THRB: variants seen among roughly 807,000 people sequenced by gnomAD.
THRB encodes the protein thyroid hormone receptor beta.
A neutral mutation model predicts 47.8 loss-of-function variants in THRB; 12 were observed. That is an observed-to-expected ratio of 0.25 (90% CI 0.16 to 0.41). THRB has a LOEUF of 0.41. Among genes scored for constraint, THRB ranks in the 10% least tolerant of loss-of-function variants. THRB has a pLI of 1.00. For missense variants in THRB, 348 were observed against 589.2 expected (o/e 0.59, Z 4.24); for synonymous variants, 218 against 212.2 (o/e 1.03, Z -0.24).
intron 4 of THRB, among the ~76,000 whole-genome samples, chr3:24,205,124 C>T (rs564236961): frequency 7.9e-5 from 12 of 152,234 alleles, no homozygotes; most frequent in Admixed American, 3.3e-4. Flanking sequence ...CAAGGCAGGC[C>T]AACATTCAGA....
chr3:24,365,735 A>C (rs2064409744), intron 1 of THRB, among the ~76,000 whole-genome samples: 2 of 152,218 alleles, frequency 1.3e-5, no homozygotes, highest in Admixed American at 6.5e-5. Flanking sequence ...TGGTACAATT[A>C]CTTTATGGAA....
chr3:24,252,661 A>G (rs571864108), intron 3 of THRB, among the ~76,000 whole-genome samples: 22 of 151,926 alleles, frequency 1.4e-4, no homozygotes, highest in African/African-American at 4.6e-4. Context: ...GCAAATGTCC[A>G]TCAACAGGAA....
intron 1 of THRB, among the ~76,000 whole-genome samples, chr3:24,424,764 T>C (rs183727404): frequency 6.6e-6 from 1 of 152,072 alleles, no homozygotes; most frequent in Non-Finnish European, 1.5e-5. Flanking sequence ...ATTGTTTTAT[T>C]TCTGATTCTT....
At chr3:24,286,765 T>C (rs2055347697) in intron 3 of THRB, among the ~76,000 whole-genome samples, 1 of 152,202 alleles carries the variant, frequency 6.6e-6, no homozygotes, top group South Asian at 2.1e-4. Flanking sequence ...CATCTCCTTC[T>C]ATGAAAACAC....
intron 3 of THRB, among the ~76,000 whole-genome samples, chr3:24,272,779 T>A (rs1182119763): frequency 6.6e-6 from 1 of 152,220 alleles, no homozygotes; most frequent in Non-Finnish European, 1.5e-5. Context: ...TCATTTCAGA[T>A]CCTTAGCACT....
chr3:24,446,474 T>C (rs957302701), intron 1 of THRB, among the ~76,000 whole-genome samples: 1 of 151,890 alleles, frequency 6.6e-6, no homozygotes, highest in Non-Finnish European at 1.5e-5. Context: ...AAAGGAGTTA[T>C]GTGTGTTTGT....
Position 24,118,784 on chromosome 3 carries a change from T to C in THRB, c.*4100A>G, listed in dbSNP as rs1575211277. 6.6e-6 allele frequency: 1 copy of C among 152,666 alleles called. No individual in the cohort carries two copies. The highest frequency in any genetic ancestry group is 1.5e-5 in the Non-Finnish European group (1 of 68,046). The allele number at this position is 152,666 out of a possible 1,614,324, so 9.5% of individuals were successfully genotyped here. A position where few individuals can be genotyped will look rare whatever the true frequency, so the allele number is the denominator to read the frequency against. ...GATTTATATTTGATTGTCTTGTGCA[T>C]AGGGTGGGTCAGCTTTAACTGTGCA... On this transcript the variant is annotated 3_prime_UTR_variant, in exon 11 of 11. Coordinates refer to ENST00000646209, the MANE Select transcript of THRB (RefSeq NM_001354712.2).
At chr3:24,416,703 G>T (rs2068759941) in intron 1 of THRB, among the ~76,000 whole-genome samples, 1 of 151,778 alleles carries the variant, frequency 6.6e-6, no homozygotes, top group African/African-American at 2.4e-5. Flanking sequence ...GGGATAAAAT[G>T]CAGTTTCTGA....
intron 2 of THRB, among the ~76,000 whole-genome samples, chr3:24,317,379 AC>A (rs1225527036): frequency 2.0e-5 from 3 of 152,128 alleles, no homozygotes; most frequent in Non-Finnish European, 4.4e-5. Context: ...TAATTCTGAT[AC>A]CCCATGGCTG....
rs528820015 is a variant in THRB at position 24,397,774 on chromosome 3, G to A, written c.-260-60403C>T. ...ATTTTTTTGTATTTTTAGTAGAGAC[G>A]GGGTTTCACTATGTTGGTCAGGCTG... On this transcript the variant is annotated intron_variant, in intron 1 of 10. Coordinates refer to ENST00000646209, the MANE Select transcript of THRB (RefSeq NM_001354712.2). 1.5e-3 allele frequency among the ~76,000 whole-genome samples: 226 copies of A among 151,740 alleles called. 2 individuals are homozygous for A. The highest frequency in any genetic ancestry group is 4.1e-3 in the Admixed American group (62 of 15,210).
rs187083217 is a variant in THRB at position 24,138,004 on chromosome 3, A to G, written c.739-4542T>C. ...GTGGGGGTGGAGGGTGCAAAAGGAGAGATTCAGGTGTGTGTTCAGGGGTGA... is the reference window on the plus strand; with the variant it reads ...GTGGGGGTGGAGGGTGCAAAAGGAGGGATTCAGGTGTGTGTTCAGGGGTGA... On this transcript the variant is annotated intron_variant, in intron 8 of 10. Coordinates refer to ENST00000646209, the MANE Select transcript of THRB (RefSeq NM_001354712.2). Among the ~76,000 whole-genome samples, 221 of 151,246 alleles carry G rather than the reference A, an allele frequency of 1.5e-3. 1 individual carries two copies. Among genetic ancestry groups the G allele is most frequent in the African/African-American group, 5.1e-3 (212 of 41,180 alleles).
intron 1 of THRB, among the ~76,000 whole-genome samples, chr3:24,457,455 C>G (rs576700628): frequency 6.6e-6 from 1 of 152,274 alleles, no homozygotes; most frequent in South Asian, 2.1e-4. Flanking sequence ...TGACTCTGAC[C>G]TCAGAATCTA....
At chr3:24,284,876 A>T (rs2150896345) in intron 3 of THRB, among the ~76,000 whole-genome samples, 1 of 152,352 alleles carries the variant, frequency 6.6e-6, no homozygotes, top group Admixed American at 6.5e-5. Flanking sequence ...TTAAAACCAC[A>T]AAGAGATACC....
chr3:24,418,526 C>A (rs991041378), intron 1 of THRB, among the ~76,000 whole-genome samples: 1 of 151,696 alleles, frequency 6.6e-6, no homozygotes, highest in African/African-American at 2.4e-5. Context: ...AAAATATTGC[C>A]GATTTAAAAA....
At chr3:24,381,366 C>T (rs2065699359) in intron 1 of THRB, among the ~76,000 whole-genome samples, 2 of 152,070 alleles carry the variant, frequency 1.3e-5, no homozygotes, top group South Asian at 2.1e-4. Flanking sequence ...AATTTGGGGA[C>T]AATCTTCCAA....
intron 5 of THRB, among the ~76,000 whole-genome samples, chr3:24,178,868 A>C (rs1321318015): frequency 1.3e-5 from 2 of 152,226 alleles, no homozygotes; most frequent in Non-Finnish European, 2.9e-5. Flanking sequence ...ATAAGGATAT[A>C]GGTGATAGAT....
chr3:24,339,060 T>C (rs1318105844), intron 1 of THRB, among the ~76,000 whole-genome samples: 1 of 152,244 alleles, frequency 6.6e-6, no homozygotes, highest in African/African-American at 2.4e-5. Flanking sequence ...GCAGTTGTTA[T>C]GACTTTATGG....
intron 3 of THRB, among the ~76,000 whole-genome samples, chr3:24,262,069 A>C (rs974983506): frequency 1.3e-5 from 2 of 152,192 alleles, no homozygotes; most frequent in Non-Finnish European, 2.9e-5. Flanking sequence ...CTTGAACTCT[A>C]GACTTGTATA....
chr3:24,388,454 A>C (rs926869778), intron 1 of THRB, among the ~76,000 whole-genome samples: 1 of 152,184 alleles, frequency 6.6e-6, no homozygotes, highest in South Asian at 2.1e-4. Flanking sequence ...AGCATATAGA[A>C]TGGAATTTTA....
Sources: allele counts gnomAD v4.1 joint callset (sites outside exome capture counted in the v4.1 genomes callset), GRCh38; gene constraint gnomAD v4.1.1; transcripts MANE v1.5; gene names NCBI Gene and HGNC (gene_info 2026-07-23, HGNC 2026-07-21).